The following FBXO11 variants were observed in gnomAD, a reference collection of about 807,000 sequenced individuals.
FBXO11 encodes the protein F-box only protein 11.
FBXO11 carries 13 observed loss-of-function variants against 117.0 expected under a neutral mutation model. The observed-to-expected ratio is 0.11, with a 90% CI of 0.07 to 0.18. The LOEUF (loss-of-function observed/expected upper bound fraction) is 0.18, where lower values mean the gene tolerates loss of function less well. Ranked by LOEUF, FBXO11 falls within the 10% of genes least tolerant of loss-of-function variation. The pLI is 1.00. For synonymous variants in FBXO11, 490 were observed against 380.5 expected (o/e 1.29, Z -3.35); for missense variants, 767 against 1,164.4 (o/e 0.66, Z 4.97).
rs1670332798 is a variant in FBXO11 at position 47,807,885 on chromosome 2, GTCCCT to G, written c.*228_*232del. ...ATTGCAGCTTATTTTCTTCACTTCTGTCCCTTCAAGTCTTTACACAGTAATGCTAA... is the reference window on the plus strand; with the variant it reads ...ATTGCAGCTTATTTTCTTCACTTCTGTCAAGTCTTTACACAGTAATGCTAA... On this transcript the variant is annotated 3_prime_UTR_variant, in exon 23 of 23. Transcript: ENST00000403359. 2.5e-6 allele frequency: 1 copy of G among 406,062 alleles called. No homozygotes were observed. The highest frequency in any genetic ancestry group is 4.1e-5 in the South Asian group (1 of 24,102). The allele number at this position is 406,062 out of a possible 1,614,324, so 25.2% of individuals were successfully genotyped here.
At chr2:47,834,230 A>C (rs1488153307) in intron 7 of FBXO11, among the ~76,000 whole-genome samples, 1 of 152,098 alleles carries the variant, frequency 6.6e-6, no homozygotes, top group Non-Finnish European at 1.5e-5. Context: ...CATGCCTATA[A>C]TCCCAGCTAC....
chr2:47,813,761 C>T (rs757908343), intron 17 of FBXO11, 30 bp downstream of exon 17: 36 of 1,433,120 alleles, frequency 2.5e-5, no homozygotes, highest in Non-Finnish European at 3.2e-5. Context: ...AGTTTATTAA[C>T]ACAGAAAAAA....
intron 1 of FBXO11, among the ~76,000 whole-genome samples, chr2:47,892,727 C>T (rs1041736663): frequency 6.6e-6 from 1 of 152,126 alleles, no homozygotes; most frequent in African/African-American, 2.4e-5. Flanking sequence ...TGTCCTCCTA[C>T]CTTCAATTTC....
chr2:47,857,326 GC>G (rs1381652119), intron 1 of FBXO11, among the ~76,000 whole-genome samples: 1 of 151,546 alleles, frequency 6.6e-6, no homozygotes, highest in Non-Finnish European at 1.5e-5. Context: ...TTGTTTTGTT[GC>G]CCAGGCTGGT....
chr2:47,867,336 A>G (rs1201164988), intron 1 of FBXO11, among the ~76,000 whole-genome samples: 3 of 152,156 alleles, frequency 2.0e-5, no homozygotes, highest in African/African-American at 7.2e-5. Flanking sequence ...TATTCTTTTG[A>G]AACACTGCTA....
intron 2 of FBXO11, 60 bp downstream of exon 2, chr2:47,839,582 T>C: frequency 4.4e-6 from 7 of 1,603,790 alleles, no homozygotes; most frequent in Non-Finnish European, 6.0e-6. Context: ...TGACATTCCC[T>C]TTTTTGTTTC....
chr2:47,893,115 C>T (rs752043312), intron 1 of FBXO11, among the ~76,000 whole-genome samples: 30 of 151,864 alleles, frequency 2.0e-4, no homozygotes, highest in Non-Finnish European at 3.7e-4. Context: ...CATTGCACCA[C>T]TGCACTCCAG....
intron 1 of FBXO11, among the ~76,000 whole-genome samples, chr2:47,877,381 A>G (rs2103875084): frequency 6.6e-6 from 1 of 152,326 alleles, no homozygotes; most frequent in Admixed American, 6.5e-5. Flanking sequence ...ACTCCTGCAA[A>G]AAAGAAAACA....
chr2:47,864,146 A>G (rs923641140), intron 1 of FBXO11, among the ~76,000 whole-genome samples: 4 of 152,246 alleles, frequency 2.6e-5, no homozygotes, highest in African/African-American at 9.6e-5. Flanking sequence ...TATAAGACTA[A>G]CATAACTATG....
In FBXO11 at chr2:47,856,967, G is replaced by C. The variant is rs947862248; in HGVS notation, c.233-17198C>G. Among the ~76,000 whole-genome samples, 6 of 152,214 alleles carry C rather than the reference G, an allele frequency of 3.9e-5. No individual in the cohort carries two copies. In the East Asian group the frequency reaches 1.2e-3, roughly 29 times the overall value. On this transcript the variant is annotated intron_variant, in intron 1 of 22. Transcript: ENST00000403359. ...GGATGAGTTGGATGGTAAGAATGTTGTATGTAGACCATCACAGCAGAAATC... is the reference window on the plus strand; with the variant it reads ...GGATGAGTTGGATGGTAAGAATGTTCTATGTAGACCATCACAGCAGAAATC...
At chr2:47,841,333 T>C (rs1194074550) in intron 1 of FBXO11, among the ~76,000 whole-genome samples, 9 of 152,172 alleles carry the variant, frequency 5.9e-5, no homozygotes, top group Admixed American at 3.9e-4. Flanking sequence ...TATAGAAACA[T>C]TCCAGTAATG....
At chr2:47,855,624 AG>A (rs1482960190) in intron 1 of FBXO11, among the ~76,000 whole-genome samples, 7 of 152,198 alleles carry the variant, frequency 4.6e-5, no homozygotes, top group African/African-American at 1.7e-4. Context: ...ACCTGAAGTC[AG>A]GAGTTCGAGA....
At chr2:47,869,708 A>G (rs1675475345) in intron 1 of FBXO11, among the ~76,000 whole-genome samples, 1 of 152,256 alleles carries the variant, frequency 6.6e-6, no homozygotes, top group Admixed American at 6.5e-5. Context: ...ACCACATAGT[A>G]TGTAAGTTAT....
At chr2:47,894,649 ACTTT>A (rs1267264230) in intron 1 of FBXO11, among the ~76,000 whole-genome samples, 2 of 152,198 alleles carry the variant, frequency 1.3e-5, no homozygotes, top group Non-Finnish European at 2.9e-5. Context: ...TAGTGAATAA[ACTTT>A]CTGACTAGTG....
chr2:47,899,012 T>C (rs533054606), intron 1 of FBXO11, among the ~76,000 whole-genome samples: 3 of 151,914 alleles, frequency 2.0e-5, no homozygotes, highest in African/African-American at 7.2e-5. Flanking sequence ...CGGTGGCTCA[T>C]GCCTGTAATC....
At chr2:47,902,080 C>T (rs571283415) in intron 1 of FBXO11, among the ~76,000 whole-genome samples, 12 of 152,196 alleles carry the variant, frequency 7.9e-5, no homozygotes, top group Non-Finnish European at 1.6e-4. Context: ...GGATTACAGG[C>T]GTGAGCCGCC....
intron 1 of FBXO11, among the ~76,000 whole-genome samples, chr2:47,899,783 T>C (rs1411361222): frequency 6.6e-6 from 1 of 152,146 alleles, no homozygotes; most frequent in African/African-American, 2.4e-5. Flanking sequence ...AATCAGTGAA[T>C]TGGAAGGTCT....
At chr2:47,874,736 T>C (rs1675872888) in intron 1 of FBXO11, among the ~76,000 whole-genome samples, 1 of 152,126 alleles carries the variant, frequency 6.6e-6, no homozygotes, top group South Asian at 2.1e-4. Context: ...GATTTCACCA[T>C]GTTGGCCAGC....
At chr2:47,839,027 C>G in intron 3 of FBXO11, 24 bp from the exon 4 acceptor site, 2 of 1,586,476 alleles carry the variant, frequency 1.3e-6, no homozygotes, top group Non-Finnish European at 1.7e-6. Flanking sequence ...AACATATAAA[C>G]TATCATTCGA....
Sources: gnomAD v4.1 joint callset for allele counts (sites outside exome capture counted in the v4.1 genomes callset) on GRCh38, gnomAD v4.1.1 for gene constraint, MANE v1.5 for transcripts, NCBI Gene and HGNC (gene_info 2026-07-23, HGNC 2026-07-21) for gene names.